CCDC3: variants seen among roughly 807,000 people sequenced by gnomAD.
CCDC3 encodes coiled-coil domain containing 3.
Under a neutral mutation model 21.4 loss-of-function variants are expected in CCDC3, and 24 were observed. That is an observed-to-expected ratio of 1.12 (90% CI 0.81 to 1.58). The LOEUF (loss-of-function observed/expected upper bound fraction) is 1.58, where lower values mean the gene tolerates loss of function less well. Ranked by LOEUF, CCDC3 falls within the 40% of genes most tolerant of loss-of-function variation. The pLI, the probability that CCDC3 is intolerant of heterozygous loss-of-function variation, is 0.00. For synonymous variants in CCDC3, 186 were observed against 166.0 expected, an observed-to-expected ratio of 1.12 and a Z score of -0.93; for missense variants, 425 against 360.9, an observed-to-expected ratio of 1.18 and a Z score of -1.44.
chr10:12,943,338 A>C (rs776566188), intron 2 of CCDC3, among the ~76,000 whole-genome samples: 5 of 152,218 alleles, frequency 3.3e-5, no homozygotes, highest in Non-Finnish European at 7.3e-5. Flanking sequence ...GAAATGTGAA[A>C]AACTAGTTTA....
rs114594675 is a variant in CCDC3, at chr10:12,993,336, G to A, written c.549+5002C>T. On this transcript the variant is annotated intron_variant, in intron 2 of 2. Transcript: ENST00000378825. The stretch of plus-strand genomic sequence containing the variant: ...GTGGGAAGTTAGGGGATCTGCCCAC[G>A]GTCATTCCTCTGGAAATGGCAGAGC... Among the ~76,000 whole-genome samples, 1,464 of 152,244 alleles carry A rather than the reference G, an allele frequency of 9.6e-3. 24 individuals carry two copies. The highest frequency in any genetic ancestry group is 0.033 in the African/African-American group (1,381 of 41,510).
At chr10:13,011,901 A>G (rs966790498) in intron 5 of CCDC3, among the ~76,000 whole-genome samples, 1 of 152,198 alleles carries the variant, frequency 6.6e-6, no homozygotes, top group African/African-American at 2.4e-5. Context: ...GCACACACCT[A>G]CAACCATCTG....
chr10:13,057,325 G>A (rs1410288667), intron 4 of CCDC3, among the ~76,000 whole-genome samples: 1 of 151,566 alleles, frequency 6.6e-6, no homozygotes, highest in Admixed American at 6.6e-5. Context: ...AATAATGAGG[G>A]GACAAGAAGA....
chr10:13,069,530 C>T (rs1836859172), intron 4 of CCDC3, among the ~76,000 whole-genome samples: 1 of 152,124 alleles, frequency 6.6e-6, no homozygotes, highest in Admixed American at 6.5e-5. Flanking sequence ...TTTTAAATTT[C>T]TAACACATAA....
At position 13,017,116 on chromosome 10, in the gene CCDC3, G is replaced by A. The variant is rs372508670; in HGVS notation, c.-1-18604C>T. Among the ~76,000 whole-genome samples the A allele has an allele frequency of 6.6e-5, 10 of 152,136 alleles. 1 individual carries two copies. Among genetic ancestry groups the A allele is most frequent in the African/African-American group, 1.9e-4 (8 of 41,530 alleles). ...TGTTAAGCAATGTGCTGGTGTCCTC[G>A]CTCTACGGTCATAAGGATGACACAG... On this transcript the variant is annotated intron_variant, in intron 5 of 6. Coordinates refer to the CCDC3 transcript ENST00000378839.
chr10:13,016,636 G>C (rs997721101), intron 5 of CCDC3, among the ~76,000 whole-genome samples: 1 of 151,980 alleles, frequency 6.6e-6, no homozygotes, highest in African/African-American at 2.4e-5. Flanking sequence ...CAGGCAGTGT[G>C]AAGGGCTGGG....
intron 2 of CCDC3, among the ~76,000 whole-genome samples, chr10:12,905,686 C>G (rs1211903276): frequency 4.6e-5 from 7 of 152,166 alleles, no homozygotes; most frequent in African/African-American, 1.7e-4. Context: ...AATTTCAAAC[C>G]TCCAGGTGGA....
At chr10:13,095,620 C>T (rs578261166) in intron 3 of CCDC3, among the ~76,000 whole-genome samples, 20 of 152,330 alleles carry the variant, frequency 1.3e-4, no homozygotes, top group African/African-American at 4.6e-4. Context: ...CTCACCCACC[C>T]GTTGCTCACC....
At chr10:13,073,797 T>G (rs1197746927) in intron 4 of CCDC3, 1 of 152,122 alleles carries the variant, frequency 6.6e-6, no homozygotes, top group East Asian at 1.9e-4. Flanking sequence ...CAAGACATTT[T>G]TTTTAAATGA....
At position 12,982,153 on chromosome 10, in the gene CCDC3, T is replaced by C. The variant is rs1220238997; in HGVS notation, c.549+16185A>G. ...AAAAAAAAAAAAAAAAAAAAAAAAG[T>C]GAGCTACCACCAATCAAAATCAAAA... On this transcript the variant is annotated intron_variant, in intron 2 of 2. Coordinates refer to ENST00000378825, the MANE Select transcript of CCDC3 (RefSeq NM_031455.4). Among the ~76,000 whole-genome samples, 3 of 82,688 alleles carry C rather than the reference T, an allele frequency of 3.6e-5. No homozygotes were observed. The East Asian group carries it at 1.0e-3, about 28-fold the overall frequency. 54.2% of individuals were successfully genotyped at this position (82,688 alleles called of 152,430 possible).
chr10:13,029,834 G>C (rs1481666454), intron 5 of CCDC3, among the ~76,000 whole-genome samples: 4 of 152,192 alleles, frequency 2.6e-5, no homozygotes, highest in African/African-American at 9.7e-5. Context: ...AGAAATATGG[G>C]ACTAGGTGAA....
chr10:13,013,482 AG>A (rs1348533049), intron 5 of CCDC3, among the ~76,000 whole-genome samples: 1 of 152,264 alleles, frequency 6.6e-6, no homozygotes, highest in African/African-American at 2.4e-5. Context: ...AGTAAATACA[AG>A]AATGAATAAT....
At chr10:12,954,240 T>C (rs1254881115) in intron 2 of CCDC3, among the ~76,000 whole-genome samples, 1 of 152,166 alleles carries the variant, frequency 6.6e-6, no homozygotes, top group Non-Finnish European at 1.5e-5. Context: ...ATCAATACTC[T>C]AGTAGTTTAC....
chr10:12,911,341 C>CT (rs1834268158), intron 2 of CCDC3, among the ~76,000 whole-genome samples: 1 of 152,184 alleles, frequency 6.6e-6, no homozygotes, highest in East Asian at 1.9e-4. Context: ...AATACTGTGC[C>CT]TGACACACAG....
intron 5 of CCDC3, among the ~76,000 whole-genome samples, chr10:13,013,457 C>T (rs1836009075): frequency 1.3e-5 from 2 of 151,962 alleles, no homozygotes; most frequent in South Asian, 4.2e-4. Flanking sequence ...AAATAGAAAA[C>T]CATGAATCAA....
At chr10:12,914,037 G>A (rs182268374) in intron 2 of CCDC3, among the ~76,000 whole-genome samples, 15 of 152,214 alleles carry the variant, frequency 9.9e-5, no homozygotes, top group Admixed American at 9.8e-4. Context: ...TTTTTGGCTT[G>A]TAACAGCTTC....
chr10:12,913,037 C>G (rs1452249785), intron 2 of CCDC3, among the ~76,000 whole-genome samples: 3 of 152,180 alleles, frequency 2.0e-5, no homozygotes, highest in Non-Finnish European at 4.4e-5. Flanking sequence ...TCAGGTAGTA[C>G]AATGCTTCTT....
At chr10:12,929,462 C>T (rs1053306517) in intron 2 of CCDC3, among the ~76,000 whole-genome samples, 4 of 152,136 alleles carry the variant, frequency 2.6e-5, no homozygotes, top group Admixed American at 6.5e-5. Context: ...GAGATGGCTA[C>T]CTCTGCCTCA....
intron 3 of CCDC3, among the ~76,000 whole-genome samples, chr10:13,082,851 C>T (rs537257051): frequency 2.6e-5 from 4 of 152,276 alleles, no homozygotes; most frequent in Non-Finnish European, 4.4e-5. Flanking sequence ...ATTATTATAA[C>T]AGTGGAATAA....
Sources: allele counts gnomAD v4.1 joint callset (sites outside exome capture counted in the v4.1 genomes callset), GRCh38; gene constraint gnomAD v4.1.1; transcripts MANE v1.5; gene names NCBI Gene and HGNC (gene_info 2026-07-23, HGNC 2026-07-21).